Variants in HPCAL1 observed in about 807,000 individuals in gnomAD.
The protein encoded by HPCAL1 is hippocalcin like 1, also known as hippocalcin-like protein 1.
Under a neutral mutation model 17.1 loss-of-function variants are expected in HPCAL1, and 8 were observed. The ratio of observed to expected loss-of-function variants is 0.47; its 90% confidence interval spans 0.27 to 0.84. The LOEUF (loss-of-function observed/expected upper bound fraction) is 0.84, where lower values mean the gene tolerates loss of function less well. HPCAL1 is among the 40% of genes least tolerant of loss of function. HPCAL1 has a pLI of 0.13. For synonymous variants in HPCAL1, 112 were observed against 111.4 expected, an observed-to-expected ratio of 1.01 and a Z score of -0.03; for missense variants, 165 against 271.1, an observed-to-expected ratio of 0.61 and a Z score of 2.75.
chr2:10,376,255 T>C (rs897735196), intron 1 of HPCAL1, among the ~76,000 whole-genome samples: 1 of 152,198 alleles, frequency 6.6e-6, no homozygotes, highest in Admixed American at 6.5e-5. Flanking sequence ...TTTGTAATAA[T>C]GCAAACAGAC....
In HPCAL1 at chr2:10,394,617, T is replaced by C. The variant is rs764332719; in HGVS notation, c.-110-2218T>C. On this transcript the variant is annotated intron_variant, in intron 1 of 4. Transcript: ENST00000307845. The surrounding 1 kb of genome is among the most constrained non-coding windows in gnomAD (Gnocchi z 5.0). ...AGTGGCCCACGCCAAGAGGGAACCC[T>C]AACGTGAGCTGCGGACCTGGGGGGT... 2.6e-5 allele frequency among the ~76,000 whole-genome samples: 4 copies of C among 152,134 alleles called. No individual in the cohort carries two copies. Among genetic ancestry groups the C allele is most frequent in the Non-Finnish European group, 4.4e-5 (3 of 68,020 alleles).
intron 1 of HPCAL1, among the ~76,000 whole-genome samples, chr2:10,366,226 ATTTTG>A (rs2125499447): frequency 6.6e-6 from 1 of 151,996 alleles, no homozygotes; most frequent in South Asian, 2.1e-4. Flanking sequence ...AATTTGCTTT[ATTTTG>A]TTTTATTATT....
At chr2:10,401,320 T>C (rs889680763) in intron 2 of HPCAL1, among the ~76,000 whole-genome samples, 4 of 152,214 alleles carry the variant, frequency 2.6e-5, no homozygotes, top group African/African-American at 9.7e-5. Flanking sequence ...CCCTAGAATA[T>C]TCTTGGACTT....
Position 10,424,927 on chromosome 2 carries a change from G to A in HPCAL1, c.485-1797G>A, listed in dbSNP as rs187408114. ...GCTGATGGGTTTCTCCAGGACACAA[G>A]TATCATTAAAGCCACCCTCTCCTCA... On this transcript the variant is annotated intron_variant, in intron 4 of 4. Coordinates refer to ENST00000307845, the MANE Select transcript of HPCAL1 (RefSeq NM_002149.4). 143 of 269,410 alleles carry A rather than the reference G, an allele frequency of 5.3e-4. 1 individual carries two copies. Among genetic ancestry groups the A allele is most frequent in the African/African-American group, 3.0e-3 (135 of 45,590 alleles). 16.7% of individuals were successfully genotyped at this position (269,410 alleles called of 1,614,324 possible). A position where few individuals can be genotyped will look rare whatever the true frequency, so the allele number is the denominator to read the frequency against.
At chr2:10,425,350 C>T (rs1671339446) in intron 4 of HPCAL1, 1 of 152,442 alleles carries the variant, frequency 6.6e-6, no homozygotes, top group Admixed American at 6.5e-5. Flanking sequence ...CCTACCCACC[C>T]CTTAGCCCGG....
intron 1 of HPCAL1, among the ~76,000 whole-genome samples, chr2:10,305,848 C>T (rs1662589692): frequency 6.6e-6 from 1 of 152,208 alleles, no homozygotes; most frequent in Non-Finnish European, 1.5e-5. Context: ...TGCAAACGCC[C>T]CAGCCAGGCG....
intron 1 of HPCAL1, among the ~76,000 whole-genome samples, chr2:10,318,922 G>A (rs188763481): frequency 5.9e-5 from 9 of 152,294 alleles, no homozygotes; most frequent in East Asian, 1.9e-4. Context: ...TGGGTCTGCC[G>A]GGACCACTGC....
intron 1 of HPCAL1, among the ~76,000 whole-genome samples, chr2:10,366,133 G>A (rs1285526384): frequency 1.3e-5 from 2 of 152,252 alleles, no homozygotes; most frequent in Non-Finnish European, 2.9e-5. Context: ...GCCTTGGAGA[G>A]CTGGCCTCTC....
At chr2:10,319,737 A>T (rs1287308946) in intron 1 of HPCAL1, among the ~76,000 whole-genome samples, 1 of 151,838 alleles carries the variant, frequency 6.6e-6, no homozygotes, top group African/African-American at 2.4e-5. Flanking sequence ...GCTCCCATTC[A>T]TTCATTCACT....
rs1343364437 is a variant in HPCAL1, at chr2:10,315,335, A to ATGTTTGG, written c.-111+12159_-111+12165dup. On this transcript the variant is annotated intron_variant, in intron 1 of 4. Coordinates refer to ENST00000307845, the MANE Select transcript of HPCAL1 (RefSeq NM_002149.4). ...TTATGCAGACAGTTTCATTTCATTTATGTTTGGACGGGGAAGAAAGTCAGA... is the reference window on the plus strand; with the variant it reads ...TTATGCAGACAGTTTCATTTCATTTATGTTTGGTGTTTGGACGGGGAAGAAAGTCAGA... Among the ~76,000 whole-genome samples the ATGTTTGG allele has an allele frequency of 2.0e-5, 3 of 151,732 alleles. No homozygotes were observed. The South Asian group carries it at 6.2e-4, about 31-fold the overall frequency.
At position 10,342,448 on chromosome 2, in the gene HPCAL1, T is replaced by C. The variant is rs1157988113; in HGVS notation, c.-111+39271T>C. On this transcript the variant is annotated intron_variant, in intron 1 of 4. Coordinates refer to ENST00000307845, the MANE Select transcript of HPCAL1 (RefSeq NM_002149.4). This position sits in a 1 kb window ranked among gnomAD's most constrained non-coding sequence, Gnocchi z 4.1. Reference sequence around the variant, plus strand: ...CAGTCCGTGCCTCCAGCGCGCAGCCTGAAAGGGAGGCGTGCAGAAACAACG... The same window carrying C: ...CAGTCCGTGCCTCCAGCGCGCAGCCCGAAAGGGAGGCGTGCAGAAACAACG... 6.8e-6 allele frequency among the ~76,000 whole-genome samples: 1 copy of C among 147,916 alleles called. No homozygotes were observed.
At position 10,395,632 on chromosome 2, in the gene HPCAL1, G is replaced by C. The variant is rs1350843319; in HGVS notation, c.-110-1203G>C. 6.6e-6 allele frequency among the ~76,000 whole-genome samples: 1 copy of C among 152,220 alleles called. No individual in the cohort carries two copies. The highest frequency in any genetic ancestry group is 1.5e-5 in the Non-Finnish European group (1 of 68,042). On this transcript the variant is annotated intron_variant, in intron 1 of 4. Transcript: ENST00000307845. The surrounding 1 kb of genome is among the most constrained non-coding windows in gnomAD (Gnocchi z 4.4). The stretch of plus-strand genomic sequence containing the variant: ...AAAGCGGGATCGTTGCTATGAGAGA[G>C]AGAACCTTGCGTTGGGAGAAAGTAA...
intron 1 of HPCAL1, among the ~76,000 whole-genome samples, chr2:10,379,356 G>A (rs149247028): frequency 1.3e-5 from 2 of 151,852 alleles, no homozygotes; most frequent in East Asian, 2.0e-4. Flanking sequence ...TGGAGGGAAA[G>A]TGTTTGTGAC....
chr2:10,399,843 C>T (rs921702851), intron 2 of HPCAL1, among the ~76,000 whole-genome samples: 17 of 152,172 alleles, frequency 1.1e-4, no homozygotes, highest in African/African-American at 3.4e-4. Context: ...GACACTCATG[C>T]GTTCCTTCCC....
At chr2:10,421,234 G>A (rs779431200) in intron 3 of HPCAL1, among the ~76,000 whole-genome samples, 6 of 152,240 alleles carry the variant, frequency 3.9e-5, no homozygotes, top group Non-Finnish European at 8.8e-5. Flanking sequence ...CGGGAAAGAC[G>A]TCACTTTAGG....
Position 10,394,249 on chromosome 2 carries a change from C to T in HPCAL1, c.-110-2586C>T, listed in dbSNP as rs17434886. Among the ~76,000 whole-genome samples the T allele has an allele frequency of 0.16, 23,662 of 152,080 alleles. 1,914 individuals carry two copies. Among genetic ancestry groups the T allele is most frequent in the African/African-American group, 0.17 (7,156 of 41,474 alleles). ...CCGAGTGTCACCTGAGCTGGTGTCCCGGAGTCTCTTTCCTTCTCCATAAAC... is the reference window on the plus strand; with the variant it reads ...CCGAGTGTCACCTGAGCTGGTGTCCTGGAGTCTCTTTCCTTCTCCATAAAC... On this transcript the variant is annotated intron_variant, in intron 1 of 4. Transcript: ENST00000307845. The surrounding 1 kb of genome is among the most constrained non-coding windows in gnomAD (Gnocchi z 5.0).
chr2:10,372,357 A>G (rs1371467833), intron 1 of HPCAL1, among the ~76,000 whole-genome samples: 1 of 152,184 alleles, frequency 6.6e-6, no homozygotes, highest in East Asian at 1.9e-4. Context: ...CCTTCTGTCA[A>G]TTACAAAGCA....
At chr2:10,346,823 C>T (rs976378159) in intron 1 of HPCAL1, among the ~76,000 whole-genome samples, 1 of 151,932 alleles carries the variant, frequency 6.6e-6, no homozygotes, top group Non-Finnish European at 1.5e-5. Context: ...CTCCACTGCT[C>T]CCTCCCCAGC....
intron 1 of HPCAL1, among the ~76,000 whole-genome samples, chr2:10,333,132 A>AATCAGCCTC (rs1205689421): frequency 2.0e-5 from 3 of 152,226 alleles, no homozygotes; most frequent in South Asian, 2.1e-4. Flanking sequence ...CTGGGTCTTT[A>AATCAGCCTC]ATCAGCCTCT....
Sources: allele counts gnomAD v4.1 joint callset (sites outside exome capture counted in the v4.1 genomes callset), GRCh38; gene constraint gnomAD v4.1.1; non-coding constraint Gnocchi (gnomAD v3.1); transcripts MANE v1.5; gene names NCBI Gene and HGNC (gene_info 2026-07-23, HGNC 2026-07-21).